The following FHIP2A variants were observed in gnomAD, a reference collection of about 807,000 sequenced individuals.
FHIP2A encodes FHF complex subunit HOOK interacting protein 2A, also known as family with sequence similarity 160 member B1.
FHIP2A carries 46 observed loss-of-function variants against 93.5 expected under a neutral mutation model. The observed-to-expected ratio is 0.49, with a 90% CI of 0.39 to 0.63. The LOEUF is 0.63. Among genes scored for constraint, FHIP2A ranks in the 20% least tolerant of loss-of-function variants. The pLI is 0.00. For synonymous variants in FHIP2A, 332 were observed against 326.5 expected, an observed-to-expected ratio of 1.02 and a Z score of -0.18; for missense variants, 769 against 909.7, an observed-to-expected ratio of 0.85 and a Z score of 1.99.
intron 16 of FHIP2A, among the ~76,000 whole-genome samples, chr10:114,870,355 C>G (rs1365649047): frequency 2.6e-5 from 4 of 151,692 alleles, no homozygotes; most frequent in Non-Finnish European, 2.9e-5. Context: ...AAGCTGATCC[C>G]TGCCTCTTAA....
chr10:114,894,395 C>CA (rs3086069), intron 16 of FHIP2A, among the ~76,000 whole-genome samples: 4,024 of 109,144 alleles, frequency 0.037, 98 homozygotes, highest in East Asian at 0.08. Context: ...CCCATCTCTA[C>CA]AAAAAAAAAA....
chr10:114,833,633 A>C (rs1011143857), intron 3 of FHIP2A, among the ~76,000 whole-genome samples: 1 of 152,206 alleles, frequency 6.6e-6, no homozygotes, highest in Non-Finnish European at 1.5e-5. Flanking sequence ...TAGAATTCCA[A>C]TGTAAACATT....
intron 16 of FHIP2A, among the ~76,000 whole-genome samples, chr10:114,884,939 A>G (rs1022859729): frequency 4.7e-5 from 7 of 150,534 alleles, no homozygotes; most frequent in Non-Finnish European, 7.4e-5. Flanking sequence ...CAATATATGT[A>G]GAGTACTAGG....
chr10:114,890,961 A>G (rs749836522), intron 16 of FHIP2A, among the ~76,000 whole-genome samples: 16 of 151,358 alleles, frequency 1.1e-4, no homozygotes, highest in Middle Eastern at 3.5e-3. Flanking sequence ...TTGGGGAGCC[A>G]AGATGGGAGG....
At chr10:114,896,267 T>A (rs1385831741) in intron 16 of FHIP2A, among the ~76,000 whole-genome samples, 2 of 151,842 alleles carry the variant, frequency 1.3e-5, no homozygotes, top group African/African-American at 4.8e-5. Flanking sequence ...ACTGAGGACT[T>A]AGGCCCTTTG....
intron 16 of FHIP2A, among the ~76,000 whole-genome samples, chr10:114,891,621 A>G (rs1441524627): frequency 3.1e-5 from 4 of 127,882 alleles, no homozygotes; most frequent in African/African-American, 1.1e-4. Context: ...GTGTATATAC[A>G]TATTTTTTTT....
intron 13 of FHIP2A, among the ~76,000 whole-genome samples, chr10:114,850,846 G>A (rs931164782): frequency 1.3e-5 from 2 of 152,154 alleles, no homozygotes; most frequent in Non-Finnish European, 2.9e-5. Context: ...TCTGGGAGTT[G>A]CCTTTTCACT....
At chr10:114,870,004 G>A (rs1198310067) in intron 16 of FHIP2A, among the ~76,000 whole-genome samples, 1 of 152,194 alleles carries the variant, frequency 6.6e-6, no homozygotes, top group Non-Finnish European at 1.5e-5. Context: ...GACTAGGGAA[G>A]TGTAATTAAT....
chr10:114,874,506 C>T (rs557974334), intron 16 of FHIP2A, among the ~76,000 whole-genome samples: 2 of 152,012 alleles, frequency 1.3e-5, no homozygotes, highest in Non-Finnish European at 2.9e-5. Flanking sequence ...AGTATTTTTT[C>T]GTTTTTCTTT....
At chr10:114,868,259 G>A (rs1281505982), downstream of FHIP2A, among the ~76,000 whole-genome samples, 1 of 151,938 alleles carries the variant, frequency 6.6e-6, no homozygotes, top group Non-Finnish European at 1.5e-5. Flanking sequence ...GAGGTGAGTG[G>A]CAGGCGACCA....
rs575825536 is a variant in FHIP2A, at chr10:114,877,740, G to A, written c.2192+16406G>A. Among the ~76,000 whole-genome samples, 6 of 152,272 alleles carry A rather than the reference G, an allele frequency of 3.9e-5. No individual in the cohort carries two copies. In the South Asian group the frequency reaches 1.2e-3, roughly 32 times the overall value. ...CTATCATGTTTTCTCCTGCAAACTG[G>A]TAGAACTGCTTAGCCTAGTTCTGCA... On this transcript the variant is annotated intron_variant, in intron 16 of 16. Transcript: ENST00000369250.
intron 3 of FHIP2A, 58 bp downstream of exon 3, chr10:114,833,460 G>A (rs1036331750): frequency 5.6e-6 from 8 of 1,441,304 alleles, no homozygotes; most frequent in East Asian, 4.5e-5. Flanking sequence ...AATGTCTTAC[G>A]AATAAAGAAG....
Position 114,847,184 on chromosome 10 carries a change from G to C in FHIP2A, c.1663G>C (p.Asp555His). 1 of 1,613,618 alleles carries C rather than the reference G, an allele frequency of 6.2e-7. No individual in the cohort carries two copies. The highest frequency in any genetic ancestry group is 8.5e-7 in the Non-Finnish European group (1 of 1,179,786). The change falls in exon 12 of 17, where the codon GAC becomes CAC. Residue 555 changes from aspartate to histidine, a missense_variant. Transcript: ENST00000369248. ...WLSSSPPATPDHPKNDGKTEV... is the reference protein window; with the variant it reads ...WLSSSPPATPHHPKNDGKTEV... ...TAGTTCTTCACCTCCTGCTACTCCA[G>C]ACCACCCCAAAAATGATGGAAAAAC... is the stretch of plus-strand genomic sequence containing the variant.
At position 114,862,426 on chromosome 10, in the gene FHIP2A, C is replaced by T. The variant is rs2083806077; in HGVS notation, c.*886C>T. 1.0e-6 allele frequency: 1 copy of T among 987,506 alleles called. No individual in the cohort carries two copies. The highest frequency in any genetic ancestry group is 1.2e-6 in the Non-Finnish European group (1 of 830,100). The allele number at this position is 987,506 out of a possible 1,614,324, so 61.2% of individuals were successfully genotyped here. A position where few individuals can be genotyped will look rare whatever the true frequency, so the allele number is the denominator to read the frequency against. On this transcript the variant is annotated 3_prime_UTR_variant, in exon 17 of 17. Coordinates refer to ENST00000369248, the MANE Select transcript of FHIP2A (RefSeq NM_020940.4). ...ATAATTTGATTTTCTTACTGAAACGCATGGTGGTGTCTAGGTGGGGAACTG... is the reference window on the plus strand; with the variant it reads ...ATAATTTGATTTTCTTACTGAAACGTATGGTGGTGTCTAGGTGGGGAACTG...
In FHIP2A at chr10:114,846,235, C is replaced by G; in HGVS notation, c.1266C>G (p.Thr422=). 1 of 1,614,136 alleles carries G rather than the reference C, an allele frequency of 6.2e-7. No individual in the cohort carries two copies. Among genetic ancestry groups the G allele is most frequent in the Non-Finnish European group, 8.5e-7 (1 of 1,180,012 alleles). ...ALLHRIVRQV[T]SDVLLQEMVF... The stretch of plus-strand genomic sequence containing the variant: ...TTCATCGCATCGTTCGGCAAGTGAC[C>G]TCTGATGTTTTGCTTCAAGAAATGG... Residue 422 remains threonine, a synonymous_variant, in exon 10 of 17, where the codon ACC becomes ACG. Coordinates refer to ENST00000369248, the MANE Select transcript of FHIP2A (RefSeq NM_020940.4).
At chr10:114,838,362 T>C (rs17586888) in intron 5 of FHIP2A, among the ~76,000 whole-genome samples, 62,125 of 152,040 alleles carry the variant, frequency 0.41, 13,309 homozygotes, top group Non-Finnish European at 0.48. Flanking sequence ...GGACTACGCA[T>C]GCCCTTAACA....
Position 114,864,148 on chromosome 10 carries a change from A to G in FHIP2A, c.*2608A>G. 4.1e-6 allele frequency: 4 copies of G among 981,418 alleles called. No individual in the cohort carries two copies. Among genetic ancestry groups the G allele is most frequent in the Non-Finnish European group, 4.8e-6 (4 of 825,920 alleles). The allele number at this position is 981,418 out of a possible 1,614,324, so 60.8% of individuals were successfully genotyped here. On this transcript the variant is annotated 3_prime_UTR_variant, in exon 17 of 17. Transcript: ENST00000369248. ...TATATATATAAGGACCAAAATTCTT[A>G]GCTCGCTTACACTGTTGCTAGTGTA...
chr10:114,860,913 T>C (rs1359587677), intron 15 of FHIP2A, 24 bp downstream of exon 15: 1 of 1,598,794 alleles, frequency 6.3e-7, no homozygotes, highest in East Asian at 2.2e-5. Context: ...TCTGTTATAT[T>C]CCCTAGGATT....
intron 12 of FHIP2A, among the ~76,000 whole-genome samples, 159 bp downstream of exon 12, chr10:114,847,392 G>A (rs529904707): frequency 1.6e-4 from 25 of 152,094 alleles, no homozygotes; most frequent in African/African-American, 5.3e-4. Context: ...GGGTTTAAGC[G>A]ATTCTCCTGC....
Sources: gnomAD v4.1 joint callset for allele counts (sites outside exome capture counted in the v4.1 genomes callset) on GRCh38, gnomAD v4.1.1 for gene constraint, MANE v1.5 for transcripts, NCBI Gene and HGNC (gene_info 2026-07-23, HGNC 2026-07-21) for gene names.